Variants in RAPH1 observed in about 807,000 individuals in gnomAD.
RAPH1 encodes ras-associated and pleckstrin homology domains-containing protein 1.
In RAPH1, 18 loss-of-function variants were observed where a neutral mutation model predicts 88.1. The observed-to-expected ratio is 0.20, with a 90% CI of 0.14 to 0.30. The LOEUF is 0.30. Among genes scored for constraint, RAPH1 ranks in the 10% least tolerant of loss-of-function variants. The probability of loss-of-function intolerance (pLI) is 1.00; values close to 1 mark genes in which losing one functional copy is unlikely to be tolerated. For synonymous variants in RAPH1, 587 were observed against 559.0 expected, an observed-to-expected ratio of 1.05 and a Z score of -0.71; for missense variants, 1,448 against 1,543.2, an observed-to-expected ratio of 0.94 and a Z score of 1.03.
At chr2:203,463,225 A>G (rs2246024) in intron 4 of RAPH1, among the ~76,000 whole-genome samples, 15,601 of 151,668 alleles carry the variant, frequency 0.1, 1,624 homozygotes, top group African/African-American at 0.27. Flanking sequence ...GAAAAGAAAA[A>G]TGGAAACTTC....
chr2:203,457,981 CT>C (rs2098521152), intron 7 of RAPH1, among the ~76,000 whole-genome samples: 1 of 152,172 alleles, frequency 6.6e-6, no homozygotes, highest in Non-Finnish European at 1.5e-5. Context: ...ATATACTGAT[CT>C]AGGTGCAGAA....
At chr2:203,458,517 A>G (rs2098521671) in intron 7 of RAPH1, among the ~76,000 whole-genome samples, 1 of 152,222 alleles carries the variant, frequency 6.6e-6, no homozygotes, top group South Asian at 2.1e-4. Flanking sequence ...ATGGGGTCAC[A>G]TTTGCATATA....
chr2:203,528,818 T>C (rs1331187397), intron 1 of RAPH1, among the ~76,000 whole-genome samples: 2 of 151,756 alleles, frequency 1.3e-5, no homozygotes, highest in Non-Finnish European at 2.9e-5. Flanking sequence ...CAGTTTCCAA[T>C]GTCATTTGTT....
intron 12 of RAPH1, chr2:203,447,102 C>T (rs750275968): frequency 6.6e-6 from 1 of 151,168 alleles, no homozygotes; most frequent in East Asian, 1.9e-4. Flanking sequence ...ACAAGATGCT[C>T]TAGGCTCATC....
Position 203,535,256 on chromosome 2 carries a change from CAGTG to C in RAPH1, c.-150_-147del, listed in dbSNP as rs1381352032. 1 of 135,288 alleles carries C rather than the reference CAGTG, an allele frequency of 7.4e-6. No individual in the cohort carries two copies. Among genetic ancestry groups the C allele is most frequent in the Non-Finnish European group, 1.6e-5 (1 of 61,570 alleles). The allele number at this position is 135,288 out of a possible 1,614,324, so 8.4% of individuals were successfully genotyped here. On this transcript the variant is annotated 5_prime_UTR_variant, in exon 1 of 14. Coordinates refer to ENST00000319170, the MANE Select transcript of RAPH1 (RefSeq NM_213589.3). ...GCCAGCAGCTCCCGCGCCGCGCGCT[CAGTG>C]ACTGACTGACTGACTGACTGACTGA...
intron 1 of RAPH1, among the ~76,000 whole-genome samples, chr2:203,512,859 G>A (rs1689414699): frequency 6.6e-6 from 1 of 151,972 alleles, no homozygotes; most frequent in Non-Finnish European, 1.5e-5. Context: ...CTCCTGACCT[G>A]GTGATCCGCC....
intron 12 of RAPH1, chr2:203,445,929 AAT>A (rs1325689875): frequency 6.6e-6 from 1 of 152,168 alleles, no homozygotes; most frequent in Non-Finnish European, 1.5e-5. Context: ...CCCATTTAGC[AAT>A]ATGTTTGGTT....
chr2:203,533,607 C>T (rs547698480), intron 1 of RAPH1, among the ~76,000 whole-genome samples: 27 of 152,142 alleles, frequency 1.8e-4, no homozygotes, highest in South Asian at 8.3e-4. Flanking sequence ...CACTTAAATG[C>T]CGAGGCTTCC....
chr2:203,492,103 G>A (rs1688293203), intron 2 of RAPH1, among the ~76,000 whole-genome samples: 2 of 151,924 alleles, frequency 1.3e-5, no homozygotes, highest in Middle Eastern at 6.8e-3. Flanking sequence ...GCACAGTGGC[G>A]GGCGCCTGTA....
intron 1 of RAPH1, among the ~76,000 whole-genome samples, chr2:203,517,817 A>G (rs1206678642): frequency 6.6e-6 from 1 of 152,212 alleles, no homozygotes; most frequent in African/African-American, 2.4e-5. Context: ...TATTTTAAAT[A>G]AAATGAAAAT....
rs550106766 is a variant in RAPH1, at chr2:203,479,056, G to A, written c.732+10528C>T. Among the ~76,000 whole-genome samples, 147 of 152,140 alleles carry A rather than the reference G, an allele frequency of 9.7e-4. 1 individual carries two copies. The highest frequency in any genetic ancestry group is 1.9e-3 in the Non-Finnish European group (127 of 67,998). ...GATACTGAAGTATTAACGAATATAC[G>A]GGAATGATAAACGTAACCAACTCTC... On this transcript the variant is annotated intron_variant, in intron 4 of 13. Transcript: ENST00000319170.
At chr2:203,471,127 T>A (rs2098532735) in intron 4 of RAPH1, among the ~76,000 whole-genome samples, 1 of 152,236 alleles carries the variant, frequency 6.6e-6, no homozygotes, top group Non-Finnish European at 1.5e-5. Flanking sequence ...TTTTGATATA[T>A]ACATGTAATT....
Position 203,461,930 on chromosome 2 carries a change from G to A in RAPH1, c.733-5C>T, listed in dbSNP as rs1354584480. 6.2e-7 allele frequency: 1 copy of A among 1,603,816 alleles called. No homozygotes were observed. Among genetic ancestry groups the A allele is most frequent in the East Asian group, 2.3e-5 (1 of 44,432 alleles). Reference sequence around the variant, plus strand: ...CAATTTTGCTGCCTGTTCTTCCTGTGAACACAAAGCATTTCAGATAAACAA... The same window carrying A: ...CAATTTTGCTGCCTGTTCTTCCTGTAAACACAAAGCATTTCAGATAAACAA... On this transcript the variant is annotated splice_region_variant and splice_polypyrimidine_tract_variant and intron_variant, in intron 4 of 13. Coordinates refer to ENST00000319170, the MANE Select transcript of RAPH1 (RefSeq NM_213589.3).
chr2:203,473,606 T>C (rs2098535003), intron 4 of RAPH1, among the ~76,000 whole-genome samples: 1 of 152,182 alleles, frequency 6.6e-6, no homozygotes, highest in Admixed American at 6.5e-5. Flanking sequence ...TGTGGGTTGC[T>C]CTGCTATGGA....
chr2:203,502,657 T>G (rs910578588), intron 1 of RAPH1, among the ~76,000 whole-genome samples: 1 of 148,576 alleles, frequency 6.7e-6, no homozygotes, highest in Admixed American at 6.8e-5. Flanking sequence ...CCGCCTCTAC[T>G]AAAAATACAA....
chr2:203,436,966 G>A lies in RAPH1; in HGVS notation c.*2471C>T, dbSNP rs1245580136. 5 of 152,168 alleles carry A rather than the reference G, an allele frequency of 3.3e-5. No homozygotes were observed. The highest frequency in any genetic ancestry group is 1.2e-4 in the African/African-American group (5 of 41,434). 9.4% of individuals were successfully genotyped at this position (152,168 alleles called of 1,614,324 possible). ...ACATTTTTAATAGCCATTTCTGTCT[G>A]TGGAGGAATGTAAAGGGAAATGGCC... On this transcript the variant is annotated 3_prime_UTR_variant, in exon 14 of 14. Transcript: ENST00000319170.
intron 7 of RAPH1, 66 bp downstream of exon 7, chr2:203,459,841 G>A (rs982682485): frequency 1.0e-5 from 15 of 1,502,256 alleles, no homozygotes; most frequent in Non-Finnish European, 1.4e-5. Context: ...CTCTAACTTA[G>A]CAGTAATCGA....
chr2:203,441,038 G>T lies in RAPH1; in HGVS notation c.2152C>A (p.Pro718Thr), dbSNP rs754349875. ...VVPPPPPPPP[P>T]PTPGSAMAQL... is the part of the protein sequence containing the mutation. ...GCCATGGCAGAGCCTGGGGTTGGGG[G>T]TGGAGGAGGGGGAGGGGGTGGTGGA... The change falls in exon 14 of 14, where the codon CCC becomes ACC. Residue 718 changes from proline to threonine, a missense_variant. By Grantham distance (38) the Pro-to-Thr change is conservative. Transcript: ENST00000319170. 1 of 1,437,076 alleles carries T rather than the reference G, an allele frequency of 7.0e-7. No individual in the cohort carries two copies. The highest frequency in any genetic ancestry group is 9.5e-7 in the Non-Finnish European group (1 of 1,058,060). 89.0% of individuals were successfully genotyped at this position (1,437,076 alleles called of 1,614,324 possible). A position where few individuals can be genotyped will look rare whatever the true frequency, so the allele number is the denominator to read the frequency against.
intron 1 of RAPH1, among the ~76,000 whole-genome samples, chr2:203,522,363 T>C: frequency 6.6e-6 from 1 of 152,328 alleles, no homozygotes; most frequent in East Asian, 1.9e-4. Context: ...CATGCAGTGT[T>C]TATGTAATAC....
Sources: allele counts gnomAD v4.1 joint callset (sites outside exome capture counted in the v4.1 genomes callset), GRCh38; gene constraint gnomAD v4.1.1; transcripts MANE v1.5; gene names NCBI Gene and HGNC (gene_info 2026-07-23, HGNC 2026-07-21).